The following THAP4 variants were observed in gnomAD, a reference collection of about 807,000 sequenced individuals.
The protein encoded by THAP4 is THAP domain containing 4.
A neutral mutation model predicts 48.1 loss-of-function variants in THAP4; 18 were observed. The ratio of observed to expected loss-of-function variants is 0.37; its 90% CI spans 0.26 to 0.56. The LOEUF is 0.56. Among genes scored for constraint, THAP4 ranks in the 20% least tolerant of loss-of-function variants. THAP4 has a pLI of 0.78. For missense variants in THAP4, 656 were observed against 774.9 expected (o/e 0.85, Z 1.82); for synonymous variants, 345 against 324.9 (o/e 1.06, Z -0.66).
At chr2:241,631,040 AGAGT>A (rs2067552782) in intron 2 of THAP4, among the ~76,000 whole-genome samples, 1 of 152,198 alleles carries the variant, frequency 6.6e-6, no homozygotes, top group African/African-American at 2.4e-5. Flanking sequence ...CCTCGGCAAC[AGAGT>A]GAGATGCCAT....
chr2:241,603,923 G>A (rs1368088438), intron 3 of THAP4, among the ~76,000 whole-genome samples: 10 of 151,790 alleles, frequency 6.6e-5, no homozygotes, highest in African/African-American at 1.2e-4. Flanking sequence ...GGGCCCAGTC[G>A]GGTAGATCTC....
Position 241,601,718 on chromosome 2 carries a change from T to G in THAP4, c.1614+178A>C. 8.4e-7 allele frequency: 1 copy of G among 1,197,354 alleles called. No homozygotes were observed. The highest frequency in any genetic ancestry group is 1.1e-6 in the Non-Finnish European group (1 of 870,456). 74.2% of individuals were successfully genotyped at this position (1,197,354 alleles called of 1,614,324 possible). A position where few individuals can be genotyped will look rare whatever the true frequency, so the allele number is the denominator to read the frequency against. On this transcript the variant is annotated intron_variant, in intron 5 of 5. Transcript: ENST00000407315. The surrounding 1 kb of genome is among the most constrained non-coding windows in gnomAD (Gnocchi z 4.0). The stretch of plus-strand genomic sequence containing the variant: ...CACTGACCAGCCGAGGAGGGGGCAA[T>G]GAATTTAGGGAACATCCACCCTGGA...
Position 241,633,284 on chromosome 2 carries a change from C to A in THAP4, c.873G>T (p.Ala291=). Residue 291 remains alanine (A), a synonymous_variant, in exon 2 of 6, where the codon GCG becomes GCT. Transcript: ENST00000407315. The surrounding 1 kb of genome is among the most constrained non-coding windows in gnomAD (Gnocchi z 7.5). The part of the protein sequence containing the change: ...AQSPPSSSLT[A]TPQKPSQSPS... ...GGCTCTGGGAAGGCTTCTGCGGTGT[C>A]GCGGTAAGTGATGAGCTGGGAGGGC... 6.2e-7 allele frequency: 1 copy of A among 1,611,714 alleles called. No homozygotes were observed. Among genetic ancestry groups the A allele is most frequent in the Non-Finnish European group, 8.5e-7 (1 of 1,179,948 alleles).
At chr2:241,598,335 C>T (rs2125073594) in intron 5 of THAP4, among the ~76,000 whole-genome samples, 1 of 152,286 alleles carries the variant, frequency 6.6e-6, no homozygotes, top group African/African-American at 2.4e-5. Context: ...CTAAGAAGCT[C>T]CCAGCTAGCC....
chr2:241,609,356 C>G (rs1331796897), intron 2 of THAP4, among the ~76,000 whole-genome samples: 1 of 152,204 alleles, frequency 6.6e-6, no homozygotes, highest in Non-Finnish European at 1.5e-5. Context: ...AGGTGTGAAA[C>G]AGCAAAACTC....
At chr2:241,606,724 G>A (rs1013658322) in intron 2 of THAP4, among the ~76,000 whole-genome samples, 2 of 152,200 alleles carry the variant, frequency 1.3e-5, no homozygotes, top group Non-Finnish European at 2.9e-5. Context: ...CAAGCAAAGA[G>A]GCCTACACTG....
At chr2:241,628,060 T>G (rs541168862) in intron 2 of THAP4, among the ~76,000 whole-genome samples, 48 of 151,960 alleles carry the variant, frequency 3.2e-4, no homozygotes, top group African/African-American at 1.2e-3. Context: ...GCCTCTCCAG[T>G]GAGATTCCAG....
chr2:241,633,186 C>A lies in THAP4; in HGVS notation c.971G>T (p.Ser324Ile). 1 of 1,608,212 alleles carries A rather than the reference C, an allele frequency of 6.2e-7. No individual in the cohort carries two copies. The highest frequency in any genetic ancestry group is 8.5e-7 in the Non-Finnish European group (1 of 1,176,316). ...EAVQSEHSDASPMSINEVILS... is the reference protein window; with the variant it reads ...EAVQSEHSDAIPMSINEVILS... ...GATGACCTCGTTGATGGACATGGGG[C>A]TGGCGTCGCTGTGCTCGCTCTGCAC... Residue 324 changes from serine to isoleucine, a missense_variant, in exon 2 of 6, where the codon AGC (serine) becomes ATC (isoleucine). Around this residue, in one of 4 missense-constraint regions of THAP4, gnomAD observed 391 missense variants for 412.4 expected, o/e 0.95. Coordinates refer to ENST00000407315, the MANE Select transcript of THAP4 (RefSeq NM_015963.6). The surrounding 1 kb of genome is among the most constrained non-coding windows in gnomAD (Gnocchi z 7.5).
At chr2:241,594,677 A>G in intron 5 of THAP4, 10 of 217,746 alleles carry the variant, frequency 4.6e-5, no homozygotes, top group Non-Finnish European at 8.6e-5. Flanking sequence ...AGGATCGCTC[A>G]AGCCTGGGAG....
chr2:241,627,697 C>T (rs1182947459), intron 2 of THAP4, among the ~76,000 whole-genome samples: 1 of 152,212 alleles, frequency 6.6e-6, no homozygotes, highest in East Asian at 1.9e-4. Context: ...TCCACACGGA[C>T]AGCAAGAACC....
chr2:241,636,824 CGCCCCGGCCGCCGA>C, intron 1 of THAP4, 103 bp downstream of exon 1: 1 of 471,412 alleles, frequency 2.1e-6, no homozygotes, highest in Non-Finnish European at 2.8e-6. Context: ...CGCTCCCCCG[CGCCCCGGCCGCCGA>C]GGCCCGGCGC....
chr2:241,590,935 T>C (rs1303634530), intron 5 of THAP4, among the ~76,000 whole-genome samples: 3 of 142,534 alleles, frequency 2.1e-5, no homozygotes, highest in Admixed American at 2.1e-4. Flanking sequence ...TGATGGGCAC[T>C]AGGACACACA....
At chr2:241,613,925 G>T (rs1019921216) in intron 2 of THAP4, among the ~76,000 whole-genome samples, 1 of 152,138 alleles carries the variant, frequency 6.6e-6, no homozygotes, top group Non-Finnish European at 1.5e-5. Flanking sequence ...ACCGAGGTGG[G>T]TGGATTGCTT....
At position 241,601,995 on chromosome 2, in the gene THAP4, C is replaced by A. The variant is rs1256634738; in HGVS notation, c.1515G>T (p.Val505=). Residue 505 remains valine, a synonymous_variant, in exon 5 of 6, where the codon GTG becomes GTT. Coordinates refer to ENST00000407315, the MANE Select transcript of THAP4 (RefSeq NM_015963.6). This position sits in a 1 kb window ranked among gnomAD's most constrained non-coding sequence, Gnocchi z 4.0. ...TCACCTCGCCCTCCTCCACTTCCAC[C>A]ACGCCTGCAAGGGAAGGGCAGTCAG... ...VAFVSAQNTG[V]VEVEEGEVNG... 6.2e-7 allele frequency: 1 copy of A among 1,611,204 alleles called. No individual in the cohort carries two copies. The highest frequency in any genetic ancestry group is 8.5e-7 in the Non-Finnish European group (1 of 1,179,440).
Position 241,610,513 on chromosome 2 carries a change from C to T in THAP4, c.1241-4040G>A, listed in dbSNP as rs557844529. ...GCTCACTCAAGAGCTCCAGCAAGAG[C>T]AGAGGCGGGAGCCTCGCCAGCCCCT... On this transcript the variant is annotated intron_variant, in intron 2 of 5. Transcript: ENST00000407315. This position sits in a 1 kb window ranked among gnomAD's most constrained non-coding sequence, Gnocchi z 4.2. Among the ~76,000 whole-genome samples the T allele has an allele frequency of 2.0e-5, 3 of 152,290 alleles. No individual in the cohort carries two copies. The East Asian group carries it at 5.8e-4, about 29-fold the overall frequency.
At chr2:241,589,850 G>A (rs915272098) in intron 5 of THAP4, among the ~76,000 whole-genome samples, 4 of 152,162 alleles carry the variant, frequency 2.6e-5, no homozygotes, top group African/African-American at 9.7e-5. Context: ...ACAGCAACAA[G>A]CAGACGTGGC....
rs1192733294 is a variant in THAP4 at position 241,610,717 on chromosome 2, G to A, written c.1241-4244C>T. Among the ~76,000 whole-genome samples, 2 of 152,086 alleles carry A rather than the reference G, an allele frequency of 1.3e-5. No individual in the cohort carries two copies. The highest frequency in any genetic ancestry group is 2.4e-5 in the African/African-American group (1 of 41,416). On this transcript the variant is annotated intron_variant, in intron 2 of 5. Coordinates refer to ENST00000407315, the MANE Select transcript of THAP4 (RefSeq NM_015963.6). The surrounding 1 kb of genome is among the most constrained non-coding windows in gnomAD (Gnocchi z 4.2). ...ACCCACCGTGGAGTCCTCTCCGGGA[G>A]GCCCTGTCCTCCATCCAGCGCTCCT...
At position 241,603,088 on chromosome 2, in the gene THAP4, G is replaced by C. The variant is rs2067137590; in HGVS notation, c.1401-9C>G. On this transcript the variant is annotated splice_polypyrimidine_tract_variant and intron_variant, in intron 3 of 5. Coordinates refer to ENST00000407315, the MANE Select transcript of THAP4 (RefSeq NM_015963.6). Reference sequence around the variant, plus strand: ...GGTGGAAGGAGTTGAACCTGGACGGGAAGTTGGAGTTGAGAAGCCCAGGCA... The same window carrying C: ...GGTGGAAGGAGTTGAACCTGGACGGCAAGTTGGAGTTGAGAAGCCCAGGCA... 3.1e-6 allele frequency: 5 copies of C among 1,611,626 alleles called. No homozygotes were observed. The highest frequency in any genetic ancestry group is 1.6e-4 in the Middle Eastern group (1 of 6,076).
rs763000513 is a variant in THAP4, at chr2:241,637,038, CG to C, written c.-22del. On this transcript the variant is annotated 5_prime_UTR_variant, in exon 1 of 6. Coordinates refer to ENST00000407315, the MANE Select transcript of THAP4 (RefSeq NM_015963.6). ...ACCATCGCGGGCCTTGGCCCAGCCG[CG>C]CAGCCAGGCCCCGGCCCTAGCCGCC... 218 of 1,238,694 alleles carry C rather than the reference CG, an allele frequency of 1.8e-4. No homozygotes were observed. Among genetic ancestry groups the C allele is most frequent in the Admixed American group, 2.3e-4 (9 of 39,394 alleles). The allele number at this position is 1,238,694 out of a possible 1,614,324, so 76.7% of individuals were successfully genotyped here.
Sources: allele counts gnomAD v4.1 joint callset (sites outside exome capture counted in the v4.1 genomes callset), GRCh38; gene constraint gnomAD v4.1.1; regional missense constraint gnomAD v4.1.1; non-coding constraint Gnocchi (gnomAD v3.1); transcripts MANE v1.5; gene names NCBI Gene and HGNC (gene_info 2026-07-23, HGNC 2026-07-21).